Variants in CALCR observed in about 807,000 individuals in gnomAD.
The protein encoded by CALCR is calcitonin receptor.
Under a neutral mutation model 59.5 loss-of-function variants are expected in CALCR, and 47 were observed. The ratio of observed to expected loss-of-function variants is 0.79; its 90% CI spans 0.63 to 1.01. The LOEUF (loss-of-function observed/expected upper bound fraction) is 1.01, where lower values mean the gene tolerates loss of function less well. Ranked by LOEUF, CALCR falls within the 50% of genes least tolerant of loss-of-function variation. CALCR has a pLI of 0.00. For missense variants in CALCR, 566 were observed against 597.1 expected, an observed-to-expected ratio of 0.95 and a Z score of 0.54; for synonymous variants, 213 against 211.3, an observed-to-expected ratio of 1.01 and a Z score of -0.07.
chr7:93,555,906 C>T (rs960044146), intron 2 of CALCR, among the ~76,000 whole-genome samples: 4 of 152,118 alleles, frequency 2.6e-5, no homozygotes, highest in Non-Finnish European at 5.9e-5. Flanking sequence ...TGAAAACAGT[C>T]ATGTCCATTG....
At chr7:93,496,242 C>T (rs1026864384) in intron 2 of CALCR, among the ~76,000 whole-genome samples, 13 of 151,466 alleles carry the variant, frequency 8.6e-5, no homozygotes, top group African/African-American at 3.1e-4. Flanking sequence ...GAAATTAAGT[C>T]TTTCCTATTC....
At chr7:93,485,499 T>G (rs911043810) in intron 3 of CALCR, among the ~76,000 whole-genome samples, 1 of 151,744 alleles carries the variant, frequency 6.6e-6, no homozygotes, top group Non-Finnish European at 1.5e-5. Context: ...GTTTTTCTTC[T>G]GTCATGTTCA....
chr7:93,548,606 T>C (rs1789359454), intron 2 of CALCR, among the ~76,000 whole-genome samples: 1 of 151,942 alleles, frequency 6.6e-6, no homozygotes, highest in African/African-American at 2.4e-5. Context: ...GTGATAGTTG[T>C]GTACTTCTTG....
chr7:93,551,152 T>A (rs539852133), intron 2 of CALCR, among the ~76,000 whole-genome samples: 1 of 152,334 alleles, frequency 6.6e-6, no homozygotes, highest in African/African-American at 2.4e-5. Context: ...GAAAACACTA[T>A]GTATAAAAGC....
Position 93,460,851 on chromosome 7 carries a change from T to TACTA in CALCR, c.614_617dup (p.Pro207SerfsTer35), listed in dbSNP as rs1362671200. ...CCCTTCGCACGAGCTCTCCATTGGG[T>TACTA]ACTACTTCAACCAGGTGGATGATGA... is the stretch of plus-strand genomic sequence containing the variant. On this transcript the variant is annotated frameshift_variant, in exon 8 of 14. Coordinates refer to ENST00000426151, the MANE Select transcript of CALCR (RefSeq NM_001742.4). LOFTEE classifies it high-confidence loss of function. 8 of 1,611,388 alleles carry TACTA rather than the reference T, an allele frequency of 5.0e-6. No individual in the cohort carries two copies. In the African/African-American group the frequency reaches 1.1e-4, roughly 22 times the overall value.
chr7:93,543,121 T>C (rs1482243045), intron 2 of CALCR, among the ~76,000 whole-genome samples: 2 of 152,198 alleles, frequency 1.3e-5, no homozygotes, highest in East Asian at 3.8e-4. Flanking sequence ...TTGTTTTTTG[T>C]TTTGAGATAG....
intron 5 of CALCR, among the ~76,000 whole-genome samples, chr7:93,476,626 A>G (rs975031431): frequency 1.3e-5 from 2 of 151,754 alleles, no homozygotes; most frequent in Admixed American, 6.6e-5. Context: ...CCTTGTAGTC[A>G]CTATTTATAT....
intron 2 of CALCR, among the ~76,000 whole-genome samples, chr7:93,521,915 CA>C (rs1377820887): frequency 6.6e-6 from 1 of 152,138 alleles, no homozygotes; most frequent in Non-Finnish European, 1.5e-5. Flanking sequence ...TCTGGCTTTA[CA>C]GTATCATTTT....
intron 2 of CALCR, among the ~76,000 whole-genome samples, chr7:93,506,773 T>C (rs1242781883): frequency 1.3e-5 from 2 of 152,130 alleles, no homozygotes; most frequent in East Asian, 1.9e-4. Context: ...TCAGGTGATA[T>C]GGTTTGACTG....
intron 2 of CALCR, among the ~76,000 whole-genome samples, chr7:93,494,249 C>T (rs1801148794): frequency 6.6e-6 from 1 of 151,214 alleles, no homozygotes; most frequent in South Asian, 2.1e-4. Flanking sequence ...TGATATTTTG[C>T]AATGTAGAAG....
chr7:93,572,173 A>C (rs1790018798), intron 2 of CALCR, among the ~76,000 whole-genome samples: 1 of 152,100 alleles, frequency 6.6e-6, no homozygotes, highest in Non-Finnish European at 1.5e-5. Flanking sequence ...TTTTCTTCTA[A>C]TTGTAAGATC....
At chr7:93,476,697 C>T (rs1800673739) in intron 5 of CALCR, among the ~76,000 whole-genome samples, 1 of 151,848 alleles carries the variant, frequency 6.6e-6, no homozygotes, top group African/African-American at 2.4e-5. Context: ...AATTGCACAA[C>T]AGCTCTTCGT....
At chr7:93,463,319 T>C (rs192338024) in intron 7 of CALCR, among the ~76,000 whole-genome samples, 45 of 151,968 alleles carry the variant, frequency 3.0e-4, no homozygotes, top group African/African-American at 1.1e-3. Context: ...TATATATATT[T>C]TTCATTGGAA....
intron 2 of CALCR, among the ~76,000 whole-genome samples, chr7:93,564,254 G>A (rs1017592811): frequency 1.3e-5 from 2 of 152,072 alleles, no homozygotes; most frequent in Non-Finnish European, 2.9e-5. Flanking sequence ...AATGTGTGGG[G>A]GGGGACAGAG....
At chr7:93,558,748 A>C (rs1277926256) in intron 2 of CALCR, among the ~76,000 whole-genome samples, 2 of 152,158 alleles carry the variant, frequency 1.3e-5, no homozygotes, top group Non-Finnish European at 2.9e-5. Context: ...AGAATCTGAA[A>C]TGCTTCACTC....
chr7:93,447,780 ATACGG>A (rs1179850291), intron 8 of CALCR, among the ~76,000 whole-genome samples: 1 of 151,938 alleles, frequency 6.6e-6, no homozygotes, highest in Non-Finnish European at 1.5e-5. Context: ...CTGACATGCC[ATACGG>A]TTTCATTTCT....
At chr7:93,471,424 T>C (rs769963915) in intron 6 of CALCR, among the ~76,000 whole-genome samples, 1 of 151,804 alleles carries the variant, frequency 6.6e-6, no homozygotes, top group African/African-American at 2.4e-5. Flanking sequence ...GTCCCTCCTA[T>C]TCAAGTGGTC....
intron 2 of CALCR, among the ~76,000 whole-genome samples, chr7:93,504,491 G>A (rs1169840186): frequency 1.3e-5 from 2 of 152,006 alleles, no homozygotes; most frequent in Non-Finnish European, 2.9e-5. Context: ...GCTCAACAGC[G>A]TCTTTTTCTT....
chr7:93,493,861 C>A (rs1168478827), intron 2 of CALCR, among the ~76,000 whole-genome samples: 1 of 151,388 alleles, frequency 6.6e-6, no homozygotes, highest in Non-Finnish European at 1.5e-5. Flanking sequence ...AATACACTAC[C>A]TCCATATATT....
Sources: allele counts gnomAD v4.1 joint callset (sites outside exome capture counted in the v4.1 genomes callset), GRCh38; gene constraint gnomAD v4.1.1; transcripts MANE v1.5; gene names NCBI Gene and HGNC (gene_info 2026-07-23, HGNC 2026-07-21).